Variants in PDE12 observed in about 807,000 individuals in gnomAD.
The protein encoded by PDE12 is phosphodiesterase 12.
Under a neutral mutation model 45.4 loss-of-function variants are expected in PDE12, and 26 were observed. That is an observed-to-expected ratio of 0.57 (90% CI 0.42 to 0.79). PDE12 has a LOEUF of 0.79. Ranked by LOEUF, PDE12 falls within the 30% of genes least tolerant of loss-of-function variation. The pLI is 0.00. For synonymous variants in PDE12, 283 were observed against 323.9 expected (o/e 0.87, Z 1.36); for missense variants, 668 against 790.0 (o/e 0.85, Z 1.85).
chr3:57,599,559 T>C, the PDE12 span, among the ~76,000 whole-genome samples: 1 of 152,242 alleles, frequency 6.6e-6, no homozygotes, highest in Non-Finnish European at 1.5e-5. Flanking sequence ...CCATGTTTTC[T>C]GTTTAGTTAT....
rs771113098 is a variant in PDE12 at position 57,557,139 on chromosome 3, G to T, written c.760G>T (p.Asp254Tyr). 6.2e-7 allele frequency: 1 copy of T among 1,614,094 alleles called. No homozygotes were observed. The highest frequency in any genetic ancestry group is 8.5e-7 in the Non-Finnish European group (1 of 1,180,024). The change falls in exon 1 of 3, where the codon GAT becomes TAT. Residue 254 changes from aspartate to tyrosine, a missense_variant. Asp to Tyr is a radical substitution (Grantham distance 160). Around this residue, in one of 3 missense-constraint regions of PDE12, gnomAD observed 580 missense variants for 662.9 expected, o/e 0.87. Transcript: ENST00000311180. ...LRLKLHCTPG[D>Y]GQRFGHSREL... ...GCTCAAGCTTCACTGCACCCCAGGC[G>T]ATGGGCAGCGCTTTGGGCACAGCCG... is the stretch of plus-strand genomic sequence containing the variant.
the PDE12 span, among the ~76,000 whole-genome samples, chr3:57,636,662 C>T: frequency 1.2e-4 from 18 of 152,104 alleles, no homozygotes; most frequent in African/African-American, 3.6e-4. Flanking sequence ...GTTGGCCGGG[C>T]GTGGTGGCTC....
the PDE12 span, among the ~76,000 whole-genome samples, chr3:57,603,556 T>C: frequency 2.0e-5 from 3 of 151,784 alleles, no homozygotes; most frequent in African/African-American, 7.3e-5. Context: ...AGGCTGGTCT[T>C]GAACTCCTGG....
At chr3:57,636,936 C>CAAAAA in the PDE12 span, among the ~76,000 whole-genome samples, 3 of 52,000 alleles carry the variant, frequency 5.8e-5, no homozygotes, top group African/African-American at 1.4e-4. Context: ...GACTCTGTCT[C>CAAAAA]AAAAAAAAAA....
At chr3:57,585,763 A>C in the PDE12 span, among the ~76,000 whole-genome samples, 1 of 151,210 alleles carries the variant, frequency 6.6e-6, no homozygotes, top group African/African-American at 2.4e-5. Context: ...CCCAGGTTCA[A>C]GCGATTCTCC....
the PDE12 span, among the ~76,000 whole-genome samples, chr3:57,622,765 T>C: frequency 6.6e-6 from 1 of 152,162 alleles, no homozygotes; most frequent in African/African-American, 2.4e-5. Flanking sequence ...AGAAATGATC[T>C]GCTGATACAG....
the PDE12 span, chr3:57,628,281 A>G: frequency 1.9e-6 from 3 of 1,614,034 alleles, no homozygotes; most frequent in South Asian, 1.1e-5. Flanking sequence ...AATGGCATCT[A>G]TGTGTGTCCG....
At chr3:57,630,823 C>A in the PDE12 span, 42 of 1,612,718 alleles carry the variant, frequency 2.6e-5, no homozygotes, top group Non-Finnish European at 3.5e-5. Flanking sequence ...TTGAGGTGGA[C>A]TCTAGAAAAC....
At chr3:57,568,583 CTTTT>C (rs764411740), downstream of PDE12, among the ~76,000 whole-genome samples, 1 of 136,638 alleles carries the variant, frequency 7.3e-6, no homozygotes, top group African/African-American at 2.7e-5. Flanking sequence ...AGATACACTT[CTTTT>C]TTTTTTTTTT....
At chr3:57,570,235 TTTTTG>T (rs1232313230), downstream of PDE12, among the ~76,000 whole-genome samples, 577 of 147,896 alleles carry the variant, frequency 3.9e-3, 8 homozygotes, top group African/African-American at 0.014. Context: ...TTTTTTTTTT[TTTTTG>T]GAGACAGAGT....
At chr3:57,638,562 G>A in the PDE12 span, among the ~76,000 whole-genome samples, 1 of 151,904 alleles carries the variant, frequency 6.6e-6, no homozygotes, top group Non-Finnish European at 1.5e-5. Context: ...GGGAGCTAAG[G>A]CAGGAGAATT....
downstream of PDE12, among the ~76,000 whole-genome samples, chr3:57,568,143 A>G (rs569481575): frequency 7.3e-5 from 11 of 151,190 alleles, no homozygotes; most frequent in African/African-American, 2.7e-4. Context: ...TCAAACCTCC[A>G]TGACAAAGAA....
the PDE12 span, among the ~76,000 whole-genome samples, chr3:57,591,239 C>T: frequency 6.6e-6 from 1 of 150,522 alleles, no homozygotes; most frequent in Non-Finnish European, 1.5e-5. Context: ...AAAACACATG[C>T]CCACACAAAA....
At chr3:57,613,900 C>CAAAAAAAA in the PDE12 span, among the ~76,000 whole-genome samples, 59 of 59,414 alleles carry the variant, frequency 9.9e-4, no homozygotes, top group African/African-American at 1.2e-3. Context: ...GACTCCATCT[C>CAAAAAAAA]AAAAAAAAAA....
At chr3:57,595,246 T>C in the PDE12 span, among the ~76,000 whole-genome samples, 12 of 152,136 alleles carry the variant, frequency 7.9e-5, no homozygotes, top group African/African-American at 1.9e-4. Context: ...AATTGAAAAA[T>C]AGCAATTCAT....
the PDE12 span, among the ~76,000 whole-genome samples, chr3:57,592,735 G>A: frequency 6.6e-6 from 1 of 152,082 alleles, no homozygotes; most frequent in Non-Finnish European, 1.5e-5. Context: ...CAGGATTTTT[G>A]CCTTTTCTGT....
Position 57,560,300 on chromosome 3 carries a change from G to T in PDE12, c.*296G>T. Reference sequence around the variant, plus strand: ...CTCAGAAAAGGAAGATTGAATTAGCGTGTTTTTTGTTTGTTTGTTTTTGTT... The same window carrying T: ...CTCAGAAAAGGAAGATTGAATTAGCTTGTTTTTTGTTTGTTTGTTTTTGTT... On this transcript the variant is annotated 3_prime_UTR_variant, in exon 3 of 3. Coordinates refer to ENST00000311180, the MANE Select transcript of PDE12 (RefSeq NM_177966.7). 8.7e-7 allele frequency: 1 copy of T among 1,144,116 alleles called. No homozygotes were observed. Among genetic ancestry groups the T allele is most frequent in the Non-Finnish European group, 1.1e-6 (1 of 930,556 alleles). The allele number at this position is 1,144,116 out of a possible 1,614,324, so 70.9% of individuals were successfully genotyped here.
the PDE12 span, among the ~76,000 whole-genome samples, chr3:57,612,375 G>C: frequency 6.6e-6 from 1 of 151,854 alleles, no homozygotes; most frequent in African/African-American, 2.4e-5. Context: ...ATGTACCCTA[G>C]AACTTAAAGT....
the PDE12 span, chr3:57,577,209 C>G: frequency 4.1e-5 from 36 of 886,468 alleles, no homozygotes; most frequent in South Asian, 5.2e-4. Context: ...TCTAGCCCCC[C>G]CAATCCATTT....
Sources: gnomAD v4.1 joint callset for allele counts (sites outside exome capture counted in the v4.1 genomes callset) on GRCh38, gnomAD v4.1.1 for gene constraint, gnomAD v4.1.1 regional missense constraint, MANE v1.5 for transcripts, NCBI Gene and HGNC (gene_info 2026-07-23, HGNC 2026-07-21) for gene names.